PPP2R1B: variants seen among roughly 807,000 people sequenced by gnomAD.
The protein encoded by PPP2R1B is serine/threonine-protein phosphatase 2A 65 kDa regulatory subunit A beta isoform.
PPP2R1B carries 58 observed loss-of-function variants against 72.7 expected under a neutral mutation model. The ratio of observed to expected loss-of-function variants is 0.80; its 90% CI spans 0.65 to 0.99. The LOEUF (loss-of-function observed/expected upper bound fraction) is 0.99. Ranked by LOEUF, PPP2R1B falls within the 50% of genes least tolerant of loss-of-function variation. The pLI is 0.00. For synonymous variants in PPP2R1B, 256 were observed against 264.6 expected, an observed-to-expected ratio of 0.97 and a Z score of 0.32; for missense variants, 695 against 733.6, an observed-to-expected ratio of 0.95 and a Z score of 0.61.
chr11:111,712,314 C>G, the PPP2R1B span: 2 of 1,614,202 alleles, frequency 1.2e-6, no homozygotes, highest in Non-Finnish European at 1.7e-6. Context: ...TTTTCATTTC[C>G]AGCATCTGGC....
the PPP2R1B span, among the ~76,000 whole-genome samples, chr11:111,696,328 T>A: frequency 6.6e-6 from 1 of 152,178 alleles, no homozygotes; most frequent in Non-Finnish European, 1.5e-5. Flanking sequence ...AATTGAAGCT[T>A]AGTTTTGATA....
Position 111,741,547 on chromosome 11 carries a change from GA to G in PPP2R1B, c.*48del. On this transcript the variant is annotated 3_prime_UTR_variant, in exon 15 of 15. Transcript: ENST00000527614. Reference sequence around the variant, plus strand: ...CACCCAGTTAAGAACACATTGACTAGAAATTTGTGACAAGAATCTAGTAAAG... The same window carrying G: ...CACCCAGTTAAGAACACATTGACTAGAATTTGTGACAAGAATCTAGTAAAG... 6.2e-7 allele frequency: 1 copy of G among 1,606,184 alleles called. No individual in the cohort carries two copies. The highest frequency in any genetic ancestry group is 2.2e-5 in the East Asian group (1 of 44,808).
At chr11:111,697,428 C>T in the PPP2R1B span, among the ~76,000 whole-genome samples, 1 of 152,112 alleles carries the variant, frequency 6.6e-6, no homozygotes, top group Non-Finnish European at 1.5e-5. Flanking sequence ...ATGGGATAGA[C>T]AGATAAGTAA....
chr11:111,742,310 T>TC, intron 13 of PPP2R1B, 166 bp from the exon 14 acceptor site: 3 of 758,992 alleles, frequency 4.0e-6, no homozygotes, highest in South Asian at 4.2e-5. Context: ...CTCAGCAAAA[T>TC]CAGCTTCAGA....
intron 15 of PPP2R1B, chr11:111,730,530 T>A (rs1264734783): frequency 6.6e-6 from 1 of 152,224 alleles, no homozygotes; most frequent in African/African-American, 2.4e-5. Flanking sequence ...TTTTGCTGGA[T>A]GTTTGGTCTG....
At chr11:111,696,638 T>TAG in the PPP2R1B span, among the ~76,000 whole-genome samples, 67 of 152,236 alleles carry the variant, frequency 4.4e-4, no homozygotes, top group African/African-American at 1.5e-3. Flanking sequence ...CTGAGTCTGG[T>TAG]AGAGAGAGAG....
the PPP2R1B span, among the ~76,000 whole-genome samples, chr11:111,716,043 C>G: frequency 6.6e-6 from 1 of 152,080 alleles, no homozygotes; most frequent in African/African-American, 2.4e-5. Context: ...CTCAGGTGAT[C>G]TGCCCGCCTT....
chr11:111,720,457 C>G, the PPP2R1B span: 26 of 1,573,600 alleles, frequency 1.7e-5, no homozygotes, highest in Non-Finnish European at 2.2e-5. Context: ...TTGGTTTTAT[C>G]TGTTCTGTTT....
chr11:111,754,389 T>A (rs1945022890), intron 8 of PPP2R1B, 110 bp downstream of exon 8: 1 of 1,402,044 alleles, frequency 7.1e-7, no homozygotes, highest in African/African-American at 1.5e-5. Flanking sequence ...ATTCATTCCC[T>A]GTCAACCTTT....
chr11:111,706,461 G>A, the PPP2R1B span, among the ~76,000 whole-genome samples: 1 of 152,110 alleles, frequency 6.6e-6, no homozygotes, highest in African/African-American at 2.4e-5. Flanking sequence ...TGACTTTCCT[G>A]TCTACTTCTG....
chr11:111,701,551 C>T, the PPP2R1B span: 1 of 1,613,656 alleles, frequency 6.2e-7, no homozygotes, highest in African/African-American at 1.3e-5. This position sits in a 1 kb window ranked among gnomAD's most constrained non-coding sequence, Gnocchi z 4.2. Context: ...AGGAAGATTC[C>T]GGATTCCGTA....
In PPP2R1B at chr11:111,761,036, G is replaced by A. The variant is rs112080270; in HGVS notation, c.322C>T (p.Leu108=). Residue 108 remains leucine (L), a synonymous_variant, in exon 4 of 15, where the codon CTG becomes TTG. Transcript: ENST00000527614. The stretch of plus-strand genomic sequence containing the variant: ...ACAACAGTCTCTTCCACAGTTGCCA[G>A]ATTTTCCAAAGGAGGCTGAATGGAT... The part of the protein sequence containing the change: ...AHCLLPPLEN[L]ATVEETVVRD... The A allele has an allele frequency of 5.0e-6, 8 of 1,614,048 alleles. No individual in the cohort carries two copies. The highest frequency in any genetic ancestry group is 2.7e-5 in the African/African-American group (2 of 75,046).
At chr11:111,732,776 C>T (rs1944234082) in intron 15 of PPP2R1B, among the ~76,000 whole-genome samples, 1 of 152,196 alleles carries the variant, frequency 6.6e-6, no homozygotes, top group South Asian at 2.1e-4. Context: ...ATCCAGGTGA[C>T]AGGGAGCCTC....
the PPP2R1B span, among the ~76,000 whole-genome samples, chr11:111,706,542 A>G: frequency 6.6e-6 from 1 of 152,262 alleles, no homozygotes; most frequent in African/African-American, 2.4e-5. Flanking sequence ...GCAGTTTTAC[A>G]AAATTTACAG....
At chr11:111,743,611 A>T (rs1288471236) in intron 11 of PPP2R1B, 81 bp from the exon 12 acceptor site, 8 of 1,506,620 alleles carry the variant, frequency 5.3e-6, no homozygotes, top group Admixed American at 2.2e-5. Flanking sequence ...TGAAAATCAA[A>T]TGTGGACCAA....
downstream of PPP2R1B, chr11:111,722,580 C>A: frequency 7.9e-7 from 1 of 1,268,480 alleles, no homozygotes; most frequent in Non-Finnish European, 1.1e-6. This position sits in a 1 kb window ranked among gnomAD's most constrained non-coding sequence, Gnocchi z 4.4. Context: ...CAGTTAGATT[C>A]ATCCTGCAGG....
chr11:111,744,168 T>C (rs1944622742), intron 11 of PPP2R1B, among the ~76,000 whole-genome samples: 1 of 152,218 alleles, frequency 6.6e-6, no homozygotes, highest in African/African-American at 2.4e-5. Flanking sequence ...ATGAAAGACT[T>C]AGATTTGATT....
intron 5 of PPP2R1B, among the ~76,000 whole-genome samples, chr11:111,756,682 A>G (rs1254581652): frequency 2.0e-5 from 3 of 152,268 alleles, no homozygotes; most frequent in Non-Finnish European, 4.4e-5. Flanking sequence ...CAAGGACAGA[A>G]TAACTTTGAG....
rs782415132 is a variant in PPP2R1B at position 111,753,507 on chromosome 11, ATAG to A, written c.1097_1099del (p.Thr366del). ...TTCAATGGTATTTTCTTTGCCCAAA[ATAG>A]TAGACAATCCCATAATTACAGAAGC... On this transcript the variant is annotated inframe_deletion, in exon 9 of 15. Coordinates refer to ENST00000527614, the MANE Select transcript of PPP2R1B (RefSeq NM_002716.5). 43 of 1,613,220 alleles carry A rather than the reference ATAG, an allele frequency of 2.7e-5. No homozygotes were observed. In the Middle Eastern group the frequency reaches 1.3e-3, roughly 49 times the overall value.
Sources: gnomAD v4.1 joint callset for allele counts (sites outside exome capture counted in the v4.1 genomes callset) on GRCh38, gnomAD v4.1.1 for gene constraint, Gnocchi (gnomAD v3.1) non-coding constraint, MANE v1.5 for transcripts, NCBI Gene and HGNC (gene_info 2026-07-23, HGNC 2026-07-21) for gene names.